CCN4: variants seen among roughly 807,000 people sequenced by gnomAD.
The protein encoded by CCN4 is cellular communication network factor 4, also known as CCN family member 4.
In CCN4, 30 loss-of-function variants were observed where a neutral mutation model predicts 36.7. The observed-to-expected ratio is 0.82, with a 90% CI of 0.61 to 1.11. The LOEUF (loss-of-function observed/expected upper bound fraction) is 1.11. Ranked by LOEUF, CCN4 falls within the 50% of genes least tolerant of loss-of-function variation. The pLI, the probability that CCN4 is intolerant of heterozygous loss-of-function variation, is 0.00. For missense variants in CCN4, 505 were observed against 504.9 expected (o/e 1.00, Z 0.00); for synonymous variants, 191 against 195.4 (o/e 0.98, Z 0.19).
chr8:133,224,600 A>G (rs1292089697), intron 3 of CCN4, among the ~76,000 whole-genome samples: 1 of 152,050 alleles, frequency 6.6e-6, no homozygotes, highest in Admixed American at 6.6e-5. Flanking sequence ...CTTCCCCCAA[A>G]TAAACTTTCT....
intron 1 of CCN4, among the ~76,000 whole-genome samples, chr8:133,202,416 G>A (rs1270483922): frequency 1.3e-5 from 2 of 152,176 alleles, no homozygotes; most frequent in Non-Finnish European, 2.9e-5. Flanking sequence ...ACTGGCCACT[G>A]CATGTGGGAC....
Position 133,220,645 on chromosome 8 carries a change from T to C in CCN4, c.414T>C (p.Pro138=), listed in dbSNP as rs780779436. 106 of 1,614,086 alleles carry C rather than the reference T, an allele frequency of 6.6e-5. No homozygotes were observed. The highest frequency in any genetic ancestry group is 8.9e-5 in the Non-Finnish European group (105 of 1,180,026). Residue 138 remains proline, a synonymous_variant, in exon 3 of 5, where the codon CCT becomes CCC. Transcript: ENST00000250160. ...VRYNNGQSFQ[P]NCKYNCTCID... ...ACAACAACGGCCAGTCCTTCCAGCCTAACTGCAAGTACAACTGCACGTGCA... is the reference window on the plus strand; with the variant it reads ...ACAACAACGGCCAGTCCTTCCAGCCCAACTGCAAGTACAACTGCACGTGCA...
In CCN4 at chr8:133,228,089, G is replaced by C. The variant is rs1222870397; in HGVS notation, c.*379G>C. On this transcript the variant is annotated 3_prime_UTR_variant, in exon 5 of 5. Coordinates refer to ENST00000250160, the MANE Select transcript of CCN4 (RefSeq NM_003882.4). ...TAGATGCCAAACCACAAGACTCTTT[G>C]GGTCCATTCAGATGAATAGATGGAA... The C allele has an allele frequency of 5.4e-6, 1 of 186,070 alleles. No individual in the cohort carries two copies. Among genetic ancestry groups the C allele is most frequent in the African/African-American group, 2.4e-5 (1 of 42,428 alleles). 11.5% of individuals were successfully genotyped at this position (186,070 alleles called of 1,614,324 possible).
At chr8:133,215,848 ATT>A (rs1307389108) in intron 2 of CCN4, among the ~76,000 whole-genome samples, 1 of 152,226 alleles carries the variant, frequency 6.6e-6, no homozygotes, top group Non-Finnish European at 1.5e-5. Context: ...AGCTATAGAA[ATT>A]CTCAGAGGCT....
chr8:133,210,850 G>A (rs1853996152), intron 1 of CCN4, among the ~76,000 whole-genome samples: 1 of 152,200 alleles, frequency 6.6e-6, no homozygotes, highest in Non-Finnish European at 1.5e-5. Context: ...CGAGTCAGGA[G>A]AGTCCGCCCA....
At chr8:133,219,367 G>C (rs1036255229) in intron 2 of CCN4, among the ~76,000 whole-genome samples, 18 of 152,010 alleles carry the variant, frequency 1.2e-4, no homozygotes, top group African/African-American at 2.2e-4. Context: ...TACCTGGAAA[G>C]CTCCTCCCCC....
At chr8:133,219,036 C>T (rs1327161172) in intron 2 of CCN4, among the ~76,000 whole-genome samples, 3 of 152,162 alleles carry the variant, frequency 2.0e-5, no homozygotes, top group Non-Finnish European at 4.4e-5. Flanking sequence ...GGCTTCAGAC[C>T]GCTCTCTCCC....
At position 133,215,597 on chromosome 8, in the gene CCN4, G is replaced by A. The variant is rs528239680; in HGVS notation, c.349+2454G>A. ...GCCTGTCCTGCCTGCCTTCCCCACC[G>A]GTGGCCTGGAAAACCCCCTTCCCTG... On this transcript the variant is annotated intron_variant, in intron 2 of 4. Coordinates refer to ENST00000250160, the MANE Select transcript of CCN4 (RefSeq NM_003882.4). 7.2e-5 allele frequency among the ~76,000 whole-genome samples: 11 copies of A among 152,004 alleles called. No individual in the cohort carries two copies. The South Asian group carries it at 1.2e-3, about 17-fold the overall frequency.
intron 1 of CCN4, among the ~76,000 whole-genome samples, chr8:133,191,421 C>A (rs1275536661): frequency 1.3e-5 from 2 of 152,178 alleles, no homozygotes; most frequent in Admixed American, 6.5e-5. Flanking sequence ...CGGTGCGACA[C>A]TTGGGGAAAC....
At chr8:133,216,909 C>G (rs72731533) in intron 2 of CCN4, among the ~76,000 whole-genome samples, 7,596 of 152,308 alleles carry the variant, frequency 0.05, 220 homozygotes, top group African/African-American at 0.065. Context: ...AAAGTTACCT[C>G]AGTCTTATTC....
At chr8:133,210,411 G>A (rs1046913581) in intron 1 of CCN4, among the ~76,000 whole-genome samples, 1 of 131,748 alleles carries the variant, frequency 7.6e-6, no homozygotes, top group Non-Finnish European at 1.8e-5. Context: ...GTGTGTGTGT[G>A]TGTGTGTGTG....
rs148973455 is a variant in CCN4, at chr8:133,192,999, C to A, written c.69+1786C>A. On this transcript the variant is annotated intron_variant, in intron 1 of 4. Transcript: ENST00000250160. ...TGCCTGGGGAACCCAGACCACCCAC[C>A]CCATGCTTGTTTCATGATTTAGATG... is the stretch of plus-strand genomic sequence containing the variant. Among the ~76,000 whole-genome samples, 736 of 152,304 alleles carry A rather than the reference C, an allele frequency of 4.8e-3. 6 individuals carry two copies. Among genetic ancestry groups the A allele is most frequent in the African/African-American group, 0.017 (699 of 41,566 alleles).
chr8:133,202,817 T>C (rs1421358133), intron 1 of CCN4, among the ~76,000 whole-genome samples: 1 of 152,164 alleles, frequency 6.6e-6, no homozygotes, highest in East Asian at 1.9e-4. Context: ...GGGATACAGG[T>C]GCCTAGGGGT....
chr8:133,225,390 A>G lies in CCN4; in HGVS notation c.611A>G (p.Asp204Gly). ...TGCAGATTCTGTTCCCCACACACAG[A>G]TGCTGTGGGTGAGGTGGAGGCATGG... ...KTAPRDTGAF[D>G]AVGEVEAWHR... Residue 204 changes from aspartate to glycine, a missense_variant and splice_region_variant, in exon 4 of 5, where the codon GAT becomes GGT. Coordinates refer to ENST00000250160, the MANE Select transcript of CCN4 (RefSeq NM_003882.4). The G allele has an allele frequency of 3.8e-6, 6 of 1,595,826 alleles. No individual in the cohort carries two copies. The highest frequency in any genetic ancestry group is 5.1e-6 in the Non-Finnish European group (6 of 1,167,926).
intron 3 of CCN4, among the ~76,000 whole-genome samples, chr8:133,223,419 C>G (rs539137335): frequency 6.6e-5 from 10 of 152,268 alleles, no homozygotes; most frequent in Admixed American, 3.9e-4. Flanking sequence ...TTGGATGCCT[C>G]CCATTTCAGG....
Position 133,191,377 on chromosome 8 carries a change from C to T in CCN4, c.69+164C>T, listed in dbSNP as rs75775682. Among the ~76,000 whole-genome samples the T allele has an allele frequency of 1.1e-3, 173 of 152,274 alleles. 1 individual carries two copies. Among genetic ancestry groups the T allele is most frequent in the African/African-American group, 4.1e-3 (171 of 41,542 alleles). ...AGAGCCCAGGGTGAGGAGTCAGCTG[C>T]CCAGGTTGGCTGAAGCTGGCAGGGT... On this transcript the variant is annotated intron_variant, in intron 1 of 4. Coordinates refer to ENST00000250160, the MANE Select transcript of CCN4 (RefSeq NM_003882.4).
chr8:133,192,040 G>A (rs1853133375), intron 1 of CCN4, among the ~76,000 whole-genome samples: 2 of 152,234 alleles, frequency 1.3e-5, no homozygotes. Context: ...GGCAGGCAGT[G>A]CAAGGAGGGC....
chr8:133,192,134 G>A (rs1853138069), intron 1 of CCN4, among the ~76,000 whole-genome samples: 3 of 152,176 alleles, frequency 2.0e-5, no homozygotes, highest in East Asian at 1.9e-4. Flanking sequence ...GCCTAGAGAC[G>A]GAGGGGTGAT....
chr8:133,193,583 G>T (rs946966831), intron 1 of CCN4, among the ~76,000 whole-genome samples: 4 of 152,220 alleles, frequency 2.6e-5, no homozygotes, highest in African/African-American at 9.7e-5. Flanking sequence ...GCATTAGCAA[G>T]CACTGAGCCA....
Sources: gnomAD v4.1 joint callset for allele counts (sites outside exome capture counted in the v4.1 genomes callset) on GRCh38, gnomAD v4.1.1 for gene constraint, MANE v1.5 for transcripts, NCBI Gene and HGNC (gene_info 2026-07-23, HGNC 2026-07-21) for gene names.